Variants in HPF1 observed in about 807,000 individuals in gnomAD.
HPF1 encodes the protein UPF0609 protein C4orf27.
HPF1 carries 35 observed loss-of-function variants against 38.8 expected under a neutral mutation model. That is an observed-to-expected ratio of 0.90 (90% confidence interval 0.69 to 1.19). HPF1 has a LOEUF of 1.19. Ranked by LOEUF, HPF1 falls within the 50% of genes most tolerant of loss-of-function variation. The pLI, the probability that HPF1 is intolerant of heterozygous loss-of-function variation, is 0.00. For synonymous variants in HPF1, 115 were observed against 139.2 expected, an observed-to-expected ratio of 0.83 and a Z score of 1.22; for missense variants, 367 against 405.8, an observed-to-expected ratio of 0.90 and a Z score of 0.82.
chr4:169,737,612 T>C, intron 6 of HPF1, 48 bp downstream of exon 6: 1 of 1,166,854 alleles, frequency 8.6e-7, no homozygotes, highest in Non-Finnish European at 1.3e-6. Context: ...AAAACCTTTA[T>C]TCATGTGCAT....
At chr4:169,751,625 C>G (rs879461604) in intron 2 of HPF1, among the ~76,000 whole-genome samples, 10 of 151,894 alleles carry the variant, frequency 6.6e-5, no homozygotes, top group Non-Finnish European at 1.5e-4. Context: ...TCAAATGGGT[C>G]CTTACTTCTA....
At chr4:169,756,511 ATAGT>A (rs1734189933) in intron 1 of HPF1, among the ~76,000 whole-genome samples, 6 of 152,206 alleles carry the variant, frequency 3.9e-5, no homozygotes, top group Admixed American at 2.6e-4. Context: ...GTTTTGCATA[ATAGT>A]TAGGTTGCCT....
Position 169,748,979 on chromosome 4 carries a change from C to A in HPF1, c.399-137G>T. On this transcript the variant is annotated intron_variant, in intron 3 of 7. Transcript: ENST00000393381. ...AGGCCTTTTTTTTTTTTTAATCATA[C>A]CAGAATTTATCGATTACATCAAACA... The A allele has an allele frequency of 8.0e-6, 4 of 498,554 alleles. No homozygotes were observed. The South Asian group carries it at 8.8e-5, about 11-fold the overall frequency. The allele number at this position is 498,554 out of a possible 1,614,324, so 30.9% of individuals were successfully genotyped here.
At chr4:169,756,033 G>T (rs1269639303) in intron 1 of HPF1, among the ~76,000 whole-genome samples, 6 of 152,170 alleles carry the variant, frequency 3.9e-5, no homozygotes, top group Non-Finnish European at 7.3e-5. Flanking sequence ...CAAAAAGCCT[G>T]TTGAACAATG....
In HPF1 at chr4:169,741,881, A is replaced by G. The variant is rs1326553047; in HGVS notation, c.648+76T>C. The G allele has an allele frequency of 2.4e-6, 3 of 1,226,714 alleles. No individual in the cohort carries two copies. In the African/African-American group the frequency reaches 4.5e-5, roughly 18 times the overall value. The allele number at this position is 1,226,714 out of a possible 1,614,324, so 76.0% of individuals were successfully genotyped here. A position where few individuals can be genotyped will look rare whatever the true frequency, so the allele number is the denominator to read the frequency against. On this transcript the variant is annotated intron_variant, in intron 5 of 7. Coordinates refer to ENST00000393381, the MANE Select transcript of HPF1 (RefSeq NM_017867.3). ...ATAGGACTAGGGAAGAGAAGGGTAAAGTAGAGATGGGAAGGAATCAAGAGG... is the reference window on the plus strand; with the variant it reads ...ATAGGACTAGGGAAGAGAAGGGTAAGGTAGAGATGGGAAGGAATCAAGAGG...
intron 3 of HPF1, among the ~76,000 whole-genome samples, chr4:169,749,407 T>C (rs1041645584): frequency 1.3e-5 from 2 of 150,962 alleles, no homozygotes; most frequent in Non-Finnish European, 2.9e-5. Flanking sequence ...CTTTTTTCCC[T>C]TTCTCTGTCA....
At chr4:169,753,539 A>G (rs1734146375) in intron 2 of HPF1, 137 bp downstream of exon 2, 1 of 691,188 alleles carries the variant, frequency 1.4e-6, no homozygotes. Context: ...TATGTTGACC[A>G]GGTTGGTCTC....
At chr4:169,735,848 G>A (rs765309221) in intron 6 of HPF1, among the ~76,000 whole-genome samples, 1 of 150,782 alleles carries the variant, frequency 6.6e-6, no homozygotes, top group Non-Finnish European at 1.5e-5. Context: ...GGACAGATCA[G>A]CCTGTCTAAG....
intron 3 of HPF1, 76 bp from the exon 4 acceptor site, chr4:169,748,918 AGAC>A: frequency 1.4e-6 from 1 of 705,260 alleles, no homozygotes; most frequent in Non-Finnish European, 2.4e-6. Flanking sequence ...TCAGGTCTAC[AGAC>A]AACAATTTAC....
rs1259327720 is a variant in HPF1 at position 169,740,248 on chromosome 4, GT to G, written c.648+1708del. Among the ~76,000 whole-genome samples the G allele has an allele frequency of 7.2e-5, 11 of 152,250 alleles. No homozygotes were observed. In the South Asian group the frequency reaches 2.3e-3, roughly 32 times the overall value. On this transcript the variant is annotated intron_variant, in intron 5 of 7. Coordinates refer to ENST00000393381, the MANE Select transcript of HPF1 (RefSeq NM_017867.3). Reference sequence around the variant, plus strand: ...CTAAATATGGAAAATATGAAGTTGGGTTTTACATGTGTCATTTAAGATTTTG... The same window carrying G: ...CTAAATATGGAAAATATGAAGTTGGGTTTACATGTGTCATTTAAGATTTTG...
chr4:169,742,611 T>C (rs570185213), intron 4 of HPF1, among the ~76,000 whole-genome samples: 62 of 152,154 alleles, frequency 4.1e-4, no homozygotes, highest in South Asian at 1.9e-3. Context: ...GCTAACAAGG[T>C]GAAACCCCGT....
intron 6 of HPF1, among the ~76,000 whole-genome samples, chr4:169,732,203 C>T (rs1393442122): frequency 1.4e-5 from 2 of 144,470 alleles, no homozygotes; most frequent in Admixed American, 7.1e-5. Flanking sequence ...AGCAGTGGTG[C>T]GATCTCAGCT....
chr4:169,737,702 C>T lies in HPF1; in HGVS notation c.694G>A (p.Asp232Asn). Residue 232 changes from aspartate to asparagine, a missense_variant, in exon 6 of 8, where the codon GAT becomes AAT. Asp to Asn is a conservative substitution (Grantham distance 23, BLOSUM62 1). Transcript: ENST00000393381. ...TCTCGGTACCCAACATCATTTTTAT[C>T]TACTGGAACAACCAAGCCTGCACCA... ...FHGAGLVVPV[D>N]KNDVGYRELP... The T allele has an allele frequency of 6.2e-7, 1 of 1,612,810 alleles. No individual in the cohort carries two copies. The highest frequency in any genetic ancestry group is 8.5e-7 in the Non-Finnish European group (1 of 1,179,082).
intron 7 of HPF1, 133 bp downstream of exon 7, chr4:169,731,571 C>A: frequency 1.7e-6 from 1 of 605,280 alleles, no homozygotes; most frequent in Non-Finnish European, 2.7e-6. Flanking sequence ...TTTTGAAATA[C>A]AAGCTGAATC....
intron 2 of HPF1, 96 bp from the exon 3 acceptor site, chr4:169,750,821 AG>A (rs1404424311): frequency 1.0e-6 from 1 of 959,940 alleles, no homozygotes; most frequent in Non-Finnish European, 1.5e-6. Context: ...GTCTTTAAAA[AG>A]TTTCTAAACT....
intron 1 of HPF1, among the ~76,000 whole-genome samples, chr4:169,756,439 G>C (rs1189729436): frequency 6.6e-6 from 1 of 152,164 alleles, no homozygotes; most frequent in Non-Finnish European, 1.5e-5. Context: ...TTGTTCAGAC[G>C]TTCAAAGACT....
chr4:169,745,086 C>T (rs149218220), intron 4 of HPF1, among the ~76,000 whole-genome samples: 1,614 of 152,286 alleles, frequency 0.011, 35 homozygotes, highest in African/African-American at 0.037. Flanking sequence ...TCGCCAATTT[C>T]AGAGTAGGGT....
intron 6 of HPF1, among the ~76,000 whole-genome samples, chr4:169,736,303 G>A (rs1335404912): frequency 2.8e-5 from 4 of 140,728 alleles, no homozygotes; most frequent in Non-Finnish European, 6.0e-5. Flanking sequence ...GGGAGGCCGA[G>A]ACAGGTTAAT....
intron 1 of HPF1, among the ~76,000 whole-genome samples, chr4:169,756,901 T>C (rs995846504): frequency 4.6e-5 from 7 of 152,186 alleles, no homozygotes; most frequent in African/African-American, 1.7e-4. Flanking sequence ...CTTCAGAGGC[T>C]ACACTTCTTC....
Sources: allele counts gnomAD v4.1 joint callset (sites outside exome capture counted in the v4.1 genomes callset), GRCh38; gene constraint gnomAD v4.1.1; transcripts MANE v1.5; gene names NCBI Gene and HGNC (gene_info 2026-07-23, HGNC 2026-07-21).